ACOX3: variants seen among roughly 807,000 people sequenced by gnomAD.
The protein encoded by ACOX3 is acyl-CoA oxidase 3, pristanoyl, also known as peroxisomal acyl-coenzyme A oxidase 3.
ACOX3 carries 73 observed loss-of-function variants against 81.5 expected under a neutral mutation model. That is an observed-to-expected ratio of 0.90 (90% CI 0.74 to 1.09). ACOX3 has a LOEUF of 1.09. Among genes scored for constraint, ACOX3 ranks in the 50% least tolerant of loss-of-function variants. The probability of loss-of-function intolerance (pLI) is 0.00; values close to 1 mark genes in which losing one functional copy is unlikely to be tolerated. For missense variants in ACOX3, 947 were observed against 928.0 expected (o/e 1.02, Z -0.27); for synonymous variants, 387 against 375.1 (o/e 1.03, Z -0.37).
At chr4:8,410,400 C>T in intron 5 of ACOX3, 45 bp from the exon 6 acceptor site, 2 of 1,601,662 alleles carry the variant, frequency 1.2e-6, no homozygotes, top group Non-Finnish European at 1.7e-6. Context: ...GCAACTAAAG[C>T]ACATGCAGAA....
At position 8,389,287 on chromosome 4, in the gene ACOX3, C is replaced by G. The variant is rs1718683132; in HGVS notation, c.1424-1G>C. 1 of 1,611,210 alleles carries G rather than the reference C, an allele frequency of 6.2e-7. No individual in the cohort carries two copies. The highest frequency in any genetic ancestry group is 1.7e-5 in the Admixed American group (1 of 59,760). On this transcript the variant is annotated splice_acceptor_variant, in intron 12 of 17. Coordinates refer to ENST00000356406, the MANE Select transcript of ACOX3 (RefSeq NM_003501.3). LOFTEE classifies it high-confidence loss of function. This position sits in a 1 kb window ranked among gnomAD's most constrained non-coding sequence, Gnocchi z 5.3. ...AGCGGACTGCGGAAGCAAGCTCCAT[C>G]TAGGACACACATTCCAGTGACTTTG...
At chr4:8,360,260 G>A in the ACOX3 span, among the ~76,000 whole-genome samples, 5 of 150,918 alleles carry the variant, frequency 3.3e-5, no homozygotes, top group Non-Finnish European at 7.4e-5. Context: ...TAACTAATTG[G>A]TTTAAAAATA....
intron 1 of ACOX3, among the ~76,000 whole-genome samples, chr4:8,439,937 G>T (rs544314229): frequency 8.1e-6 from 1 of 124,120 alleles, no homozygotes; most frequent in Admixed American, 7.9e-5. Context: ...AAGTTAGAAA[G>T]AAACAAAAGT....
intron 3 of ACOX3, among the ~76,000 whole-genome samples, chr4:8,415,481 T>G (rs1156946369): frequency 6.6e-6 from 1 of 151,000 alleles, no homozygotes; most frequent in East Asian, 1.9e-4. Context: ...TCCCAACAGC[T>G]CCTCTTCTGA....
Position 8,414,881 on chromosome 4 carries a change from T to C in ACOX3, c.426A>G (p.Thr142=), listed in dbSNP as rs1441870792. ...VYSSGSERHL[T]YIQKIFRMEI... The stretch of plus-strand genomic sequence containing the variant: ...CCATCCTGAAGATCTTTTGAATATA[T>C]GTGAGATGTCTTTCAGAACCAGAAC... The change falls in exon 4 of 18, where the codon ACA becomes ACG. Residue 142 remains threonine, a synonymous_variant. Transcript: ENST00000356406. This position sits in a 1 kb window ranked among gnomAD's most constrained non-coding sequence, Gnocchi z 6.1. 6.2e-7 allele frequency: 1 copy of C among 1,614,144 alleles called. No homozygotes were observed. The highest frequency in any genetic ancestry group is 8.5e-7 in the Non-Finnish European group (1 of 1,180,052).
Position 8,431,947 on chromosome 4 carries a change from A to G in ACOX3, c.-15+8701T>C, listed in dbSNP as rs1723982108. On this transcript the variant is annotated intron_variant, in intron 1 of 17. Coordinates refer to ENST00000356406, the MANE Select transcript of ACOX3 (RefSeq NM_003501.3). This position sits in a 1 kb window ranked among gnomAD's most constrained non-coding sequence, Gnocchi z 5.3. The stretch of plus-strand genomic sequence containing the variant: ...ATTTATCCCTTCTGTCTTTCCCACC[A>G]CCACCTCCTTGGCTGGTTCTGCATT... 6.6e-6 allele frequency among the ~76,000 whole-genome samples: 1 copy of G among 152,010 alleles called. No homozygotes were observed. Among genetic ancestry groups the G allele is most frequent in the Non-Finnish European group, 1.5e-5 (1 of 67,992 alleles).
Position 8,395,753 on chromosome 4 carries a change from C to T in ACOX3, c.1057-1011G>A, listed in dbSNP as rs527373184. ...GCACCCAGAGTGCTGTGACCACACA[C>T]GGGAGGGGATGGGTGCCACACAGGC... On this transcript the variant is annotated intron_variant, in intron 9 of 17. Transcript: ENST00000356406. Among the ~76,000 whole-genome samples the T allele has an allele frequency of 4.9e-4, 74 of 152,316 alleles. 1 individual carries two copies. The South Asian group carries it at 8.9e-3, about 18-fold the overall frequency.
chr4:8,360,814 A>G, the ACOX3 span, among the ~76,000 whole-genome samples: 5 of 152,224 alleles, frequency 3.3e-5, no homozygotes, highest in South Asian at 1.0e-3. Context: ...GGAGCATTAG[A>G]TTCTAGATAA....
intron 11 of ACOX3, among the ~76,000 whole-genome samples, chr4:8,391,228 C>G (rs1718960984): frequency 6.6e-6 from 1 of 152,212 alleles, no homozygotes; most frequent in East Asian, 1.9e-4. Context: ...AACTTGTGTA[C>G]AGCCATGGCT....
In ACOX3 at chr4:8,430,590, T is replaced by G. The variant is rs1229223024; in HGVS notation, c.-15+10058A>C. ...ACATCTTTCGGCTGGGTGTGGTGGC[T>G]CACACCTATAATCTTAGCACTTTGG... On this transcript the variant is annotated intron_variant, in intron 1 of 17. Transcript: ENST00000356406. The surrounding 1 kb of genome is among the most constrained non-coding windows in gnomAD (Gnocchi z 5.2). Among the ~76,000 whole-genome samples, 1 of 152,222 alleles carries G rather than the reference T, an allele frequency of 6.6e-6. No individual in the cohort carries two copies. The highest frequency in any genetic ancestry group is 6.5e-5 in the Admixed American group (1 of 15,288).
At chr4:8,396,523 A>T (rs1184720310) in intron 9 of ACOX3, among the ~76,000 whole-genome samples, 1 of 151,868 alleles carries the variant, frequency 6.6e-6, no homozygotes. Flanking sequence ...CTAACAATAC[A>T]AAAATTAGCC....
intron 15 of ACOX3, 48 bp downstream of exon 15, chr4:8,374,930 G>A: frequency 6.9e-7 from 1 of 1,455,150 alleles, no homozygotes; most frequent in Non-Finnish European, 9.1e-7. Context: ...TACAACACGG[G>A]GGCCCTGACT....
Position 8,431,977 on chromosome 4 carries a change from G to T in ACOX3, c.-15+8671C>A, listed in dbSNP as rs1010930772. Among the ~76,000 whole-genome samples, 1 of 152,178 alleles carries T rather than the reference G, an allele frequency of 6.6e-6. No homozygotes were observed. The highest frequency in any genetic ancestry group is 2.4e-5 in the African/African-American group (1 of 41,434). ...CTCCTTGGCTGGTTCTGCATTCCCA[G>T]AAGAGTGGCTGGAAGAAGTCACCAG... On this transcript the variant is annotated intron_variant, in intron 1 of 17. Coordinates refer to ENST00000356406, the MANE Select transcript of ACOX3 (RefSeq NM_003501.3). This position sits in a 1 kb window ranked among gnomAD's most constrained non-coding sequence, Gnocchi z 5.3.
At chr4:8,410,415 T>A in intron 5 of ACOX3, 60 bp from the exon 6 acceptor site, 1 of 1,586,726 alleles carries the variant, frequency 6.3e-7, no homozygotes, top group African/African-American at 1.3e-5. Context: ...GCAGAATTGG[T>A]GTTTTCCTTT....
rs13136987 is a variant in ACOX3 at position 8,389,132 on chromosome 4, G to A, written c.1537+41C>T. On this transcript the variant is annotated intron_variant, in intron 13 of 17. Transcript: ENST00000356406. This position sits in a 1 kb window ranked among gnomAD's most constrained non-coding sequence, Gnocchi z 5.3. ...GTGCGTTTCCTGGTGGGAATGACAG[G>A]AAATCAGGAGGCCAGGGGAGCCCTC... The A allele has an allele frequency of 0.23, 351,069 of 1,548,758 alleles. 42,106 individuals are homozygous for A. Among genetic ancestry groups the A allele is most frequent in the African/African-American group, 0.4 (29,389 of 73,580 alleles).
intron 14 of ACOX3, among the ~76,000 whole-genome samples, chr4:8,378,132 G>A (rs987062673): frequency 7.2e-5 from 11 of 152,192 alleles, no homozygotes; most frequent in Non-Finnish European, 1.5e-5. Flanking sequence ...GTCCCAGTCT[G>A]GTACACTCTG....
In ACOX3 at chr4:8,432,325, C is replaced by T. The variant is rs1724000572; in HGVS notation, c.-15+8323G>A. Among the ~76,000 whole-genome samples the T allele has an allele frequency of 6.6e-6, 1 of 152,082 alleles. No individual in the cohort carries two copies. ...CTCGGCTCACTGCAAGCTCTGCCTC[C>T]CGGGTTCAAGCCATTCTCCTGCCTT... On this transcript the variant is annotated intron_variant, in intron 1 of 17. Coordinates refer to ENST00000356406, the MANE Select transcript of ACOX3 (RefSeq NM_003501.3). This position sits in a 1 kb window ranked among gnomAD's most constrained non-coding sequence, Gnocchi z 6.2.
chr4:8,375,809 C>T (rs1386037421), intron 14 of ACOX3, among the ~76,000 whole-genome samples: 1 of 152,188 alleles, frequency 6.6e-6, no homozygotes, highest in Admixed American at 6.5e-5. Context: ...AGGATAATGG[C>T]GTGCAGCTGC....
At chr4:8,410,879 AGAAGGAAG>A (rs1175094393) in intron 5 of ACOX3, among the ~76,000 whole-genome samples, 1 of 152,184 alleles carries the variant, frequency 6.6e-6, no homozygotes, top group Non-Finnish European at 1.5e-5. Context: ...TCAGAACATC[AGAAGGAAG>A]GAAGGAAGGA....
Sources: gnomAD v4.1 joint callset for allele counts (sites outside exome capture counted in the v4.1 genomes callset) on GRCh38, gnomAD v4.1.1 for gene constraint, Gnocchi (gnomAD v3.1) non-coding constraint, MANE v1.5 for transcripts, NCBI Gene and HGNC (gene_info 2026-07-23, HGNC 2026-07-21) for gene names.